PRUNE2: variants seen among roughly 807,000 people sequenced by gnomAD.
PRUNE2 encodes protein prune homolog 2.
Under a neutral mutation model 252.0 loss-of-function variants are expected in PRUNE2, and 164 were observed. The ratio of observed to expected loss-of-function variants is 0.65; its 90% CI spans 0.57 to 0.74. The LOEUF is 0.74. Ranked by LOEUF, PRUNE2 falls within the 30% of genes least tolerant of loss-of-function variation. The pLI is 0.00. For missense variants in PRUNE2, 3,495 were observed against 3,711.0 expected (o/e 0.94, Z 1.51); for synonymous variants, 1,292 against 1,350.2 (o/e 0.96, Z 0.94).
At chr9:76,827,149 T>TAATA (rs2058390254) in intron 4 of PRUNE2, among the ~76,000 whole-genome samples, 1 of 150,244 alleles carries the variant, frequency 6.7e-6, no homozygotes, top group East Asian at 1.9e-4. Context: ...CTGTTTCCAC[T>TAATA]CATTATATTA....
intron 6 of PRUNE2, among the ~76,000 whole-genome samples, chr9:76,753,656 C>T (rs1374434171): frequency 6.6e-6 from 1 of 152,008 alleles, no homozygotes; most frequent in African/African-American, 2.4e-5. Context: ...TCAAAGTTGC[C>T]TAAGTGCCAG....
At chr9:76,882,405 T>C (rs949426387) in intron 1 of PRUNE2, among the ~76,000 whole-genome samples, 2 of 152,236 alleles carry the variant, frequency 1.3e-5, no homozygotes, top group African/African-American at 4.8e-5. Context: ...GTTTGCACAC[T>C]GTATTAGGCC....
At chr9:76,835,447 CCT>C (rs1345449643) in intron 4 of PRUNE2, among the ~76,000 whole-genome samples, 3 of 151,912 alleles carry the variant, frequency 2.0e-5, no homozygotes, top group African/African-American at 7.3e-5. Flanking sequence ...TAAAAAGAAG[CCT>C]CTTTTTATAC....
chr9:76,803,656 G>A (rs1466469646), intron 6 of PRUNE2, among the ~76,000 whole-genome samples: 1 of 152,128 alleles, frequency 6.6e-6, no homozygotes, highest in Non-Finnish European at 1.5e-5. Context: ...GGTGGAAGGG[G>A]ATGTGGTCTC....
At chr9:76,827,716 T>G (rs1239660957) in intron 4 of PRUNE2, among the ~76,000 whole-genome samples, 1 of 152,150 alleles carries the variant, frequency 6.6e-6, no homozygotes, top group African/African-American at 2.4e-5. Context: ...TCCAAACACA[T>G]GGCCTGAGAC....
chr9:76,844,168 G>A (rs79723107), intron 4 of PRUNE2, among the ~76,000 whole-genome samples: 12,911 of 152,148 alleles, frequency 0.085, 693 homozygotes, highest in East Asian at 0.15. Context: ...CTTTAGTTCC[G>A]TGATATGGTT....
At chr9:76,770,054 C>T (rs2052919585) in intron 6 of PRUNE2, among the ~76,000 whole-genome samples, 1 of 152,074 alleles carries the variant, frequency 6.6e-6, no homozygotes, top group African/African-American at 2.4e-5. Flanking sequence ...AGATATCCTC[C>T]CAGAATATCA....
intron 9 of PRUNE2, among the ~76,000 whole-genome samples, chr9:76,694,427 C>A (rs1235753734): frequency 1.3e-5 from 2 of 152,180 alleles, no homozygotes; most frequent in Non-Finnish European, 2.9e-5. Context: ...AGGTGATCCT[C>A]TCACCTTGGC....
intron 9 of PRUNE2, among the ~76,000 whole-genome samples, chr9:76,672,811 C>T (rs960643365): frequency 7.4e-6 from 1 of 135,206 alleles, no homozygotes; most frequent in African/African-American, 2.8e-5. Context: ...CTACTGGGTA[C>T]ATAACGAAAT....
intron 12 of PRUNE2, among the ~76,000 whole-genome samples, chr9:76,640,679 TG>T (rs1842209098): frequency 6.6e-6 from 1 of 152,196 alleles, no homozygotes; most frequent in South Asian, 2.1e-4. Flanking sequence ...AAAAATTGCT[TG>T]TTACAATAAT....
chr9:76,781,156 T>C, intron 6 of PRUNE2, among the ~76,000 whole-genome samples: 1 of 152,160 alleles, frequency 6.6e-6, no homozygotes, highest in East Asian at 1.9e-4. Context: ...TCTCCCATGG[T>C]CTATGAAGGC....
At chr9:76,834,569 A>T (rs1416358245) in intron 4 of PRUNE2, among the ~76,000 whole-genome samples, 2 of 152,236 alleles carry the variant, frequency 1.3e-5, no homozygotes, top group African/African-American at 4.8e-5. Flanking sequence ...TAAAGACATA[A>T]AATGGAAAGG....
chr9:76,888,326 C>A (rs1273479193), intron 1 of PRUNE2, among the ~76,000 whole-genome samples: 1 of 152,118 alleles, frequency 6.6e-6, no homozygotes, highest in Non-Finnish European at 1.5e-5. Context: ...CGCCTGTAAT[C>A]CCAGCACCTT....
chr9:76,739,344 T>C (rs915361774), intron 6 of PRUNE2: 3 of 152,094 alleles, frequency 2.0e-5, no homozygotes, highest in Non-Finnish European at 4.4e-5. Flanking sequence ...AGCCTCAAGC[T>C]CTCGGTTTAG....
At chr9:76,659,878 T>A (rs1280081362) in intron 9 of PRUNE2, among the ~76,000 whole-genome samples, 3 of 150,226 alleles carry the variant, frequency 2.0e-5, no homozygotes, top group Non-Finnish European at 4.4e-5. Context: ...ATAGAAAAAA[T>A]TAAATATAAT....
At chr9:76,837,441 A>AAATAT (rs147526426) in intron 4 of PRUNE2, among the ~76,000 whole-genome samples, 3 of 134,826 alleles carry the variant, frequency 2.2e-5, no homozygotes, top group East Asian at 4.9e-4. Flanking sequence ...ACTCTGTCTC[A>AAATAT]AATAATAATA....
intron 6 of PRUNE2, among the ~76,000 whole-genome samples, chr9:76,730,248 G>T (rs1038778290): frequency 6.6e-6 from 1 of 152,218 alleles, no homozygotes; most frequent in Non-Finnish European, 1.5e-5. Flanking sequence ...ACGTTACAGG[G>T]TAGAGTGGAC....
At chr9:76,837,146 A>G (rs1280847498) in intron 4 of PRUNE2, among the ~76,000 whole-genome samples, 1 of 86,214 alleles carries the variant, frequency 1.2e-5, no homozygotes, top group East Asian at 2.9e-4. Context: ...AAGCTGATTA[A>G]AAAAATGAAG....
intron 6 of PRUNE2, 65 bp downstream of exon 6, chr9:76,823,567 T>C (rs753499678): frequency 1.1e-6 from 1 of 912,076 alleles, no homozygotes; most frequent in Non-Finnish European, 1.8e-6. Flanking sequence ...GAGAGTTACA[T>C]TCCAGTTGCT....
Sources: allele counts gnomAD v4.1 joint callset (sites outside exome capture counted in the v4.1 genomes callset), GRCh38; gene constraint gnomAD v4.1.1; transcripts MANE v1.5; gene names NCBI Gene and HGNC (gene_info 2026-07-23, HGNC 2026-07-21).